The following PRSS38 variants were observed in gnomAD, a reference collection of about 807,000 sequenced individuals.
PRSS38 encodes marapsin 2.
PRSS38 carries 22 observed loss-of-function variants against 26.8 expected under a neutral mutation model. That is an observed-to-expected ratio of 0.82 (90% CI 0.59 to 1.17). The LOEUF (loss-of-function observed/expected upper bound fraction) is 1.17, where lower values mean the gene tolerates loss of function less well. PRSS38 is among the 50% of genes most tolerant of loss of function. The pLI is 0.00. For missense variants in PRSS38, 427 were observed against 422.7 expected (o/e 1.01, Z -0.09); for synonymous variants, 175 against 172.1 (o/e 1.02, Z -0.13).
intron 3 of PRSS38, among the ~76,000 whole-genome samples, chr1:227,840,012 A>T (rs1255614999): frequency 6.6e-6 from 1 of 152,226 alleles, no homozygotes; most frequent in East Asian, 1.9e-4. Context: ...TTTCCAACCC[A>T]GAAAACCGCA....
intron 3 of PRSS38, 114 bp downstream of exon 3, chr1:227,817,594 C>G (rs1664942473): frequency 3.1e-6 from 3 of 978,438 alleles, no homozygotes; most frequent in Non-Finnish European, 4.6e-6. Flanking sequence ...GGAATCCCCA[C>G]CTGTCAATCA....
chr1:227,827,105 T>C (rs867101310), intron 3 of PRSS38, among the ~76,000 whole-genome samples: 3 of 152,206 alleles, frequency 2.0e-5, no homozygotes, highest in African/African-American at 7.2e-5. Flanking sequence ...GATTTTTGCA[T>C]TGATGTTCAT....
At chr1:227,844,527 A>G (rs532543866) in intron 3 of PRSS38, among the ~76,000 whole-genome samples, 3 of 138,482 alleles carry the variant, frequency 2.2e-5, no homozygotes, top group Non-Finnish European at 4.7e-5. Flanking sequence ...TTTGTGGTGG[A>G]GCTCCTCCCT....
intron 3 of PRSS38, among the ~76,000 whole-genome samples, chr1:227,819,727 AT>A (rs1664973557): frequency 6.6e-6 from 1 of 152,096 alleles, no homozygotes; most frequent in Non-Finnish European, 1.5e-5. Context: ...ATTATTTTAG[AT>A]GCTATTGTAA....
In PRSS38 at chr1:227,836,359, G is replaced by A. The variant is rs150071531; in HGVS notation, c.584-9111G>A. ...GCTTCTCAAAGTGCTGGGATTACAGGTGTGAGCCACCACACCAAGCCAAAA... is the reference window on the plus strand; with the variant it reads ...GCTTCTCAAAGTGCTGGGATTACAGATGTGAGCCACCACACCAAGCCAAAA... On this transcript the variant is annotated intron_variant, in intron 3 of 4. Transcript: ENST00000366757. Among the ~76,000 whole-genome samples, 1,066 of 152,072 alleles carry A rather than the reference G, an allele frequency of 7.0e-3. 11 individuals carry two copies. Among genetic ancestry groups the A allele is most frequent in the African/African-American group, 0.024 (983 of 41,456 alleles).
intron 3 of PRSS38, among the ~76,000 whole-genome samples, chr1:227,840,237 T>G (rs1665317538): frequency 6.6e-6 from 1 of 152,152 alleles, no homozygotes. Context: ...TCCTCCCACT[T>G]CAGCCTCCTG....
intron 3 of PRSS38, among the ~76,000 whole-genome samples, chr1:227,826,442 G>T (rs556678221): frequency 1.4e-4 from 22 of 152,264 alleles, no homozygotes; most frequent in Non-Finnish European, 2.4e-4. Flanking sequence ...GGCCAAGTGC[G>T]GTGGCTAACG....
Position 227,816,918 on chromosome 1 carries a change from G to T in PRSS38, c.312-291G>T, listed in dbSNP as rs915450397. Among the ~76,000 whole-genome samples, 2 of 152,246 alleles carry T rather than the reference G, an allele frequency of 1.3e-5. No homozygotes were observed. Among genetic ancestry groups the T allele is most frequent in the Non-Finnish European group, 2.9e-5 (2 of 68,044 alleles). On this transcript the variant is annotated intron_variant, in intron 2 of 4. Transcript: ENST00000366757. This position sits in a 1 kb window ranked among gnomAD's most constrained non-coding sequence, Gnocchi z 5.1. ...CCATCTGGCCTCCAGAGGGATGTGTGCAACCAGGTTGTCAGTAAGAGTCAG... is the reference window on the plus strand; with the variant it reads ...CCATCTGGCCTCCAGAGGGATGTGTTCAACCAGGTTGTCAGTAAGAGTCAG...
chr1:227,835,795 A>T (rs1413448367), intron 3 of PRSS38, among the ~76,000 whole-genome samples: 1 of 152,256 alleles, frequency 6.6e-6, no homozygotes, highest in African/African-American at 2.4e-5. Flanking sequence ...GCTACCAAGG[A>T]CAGGGTCTGG....
chr1:227,824,675 C>T (rs1339342076), intron 3 of PRSS38, among the ~76,000 whole-genome samples: 1 of 152,182 alleles, frequency 6.6e-6, no homozygotes, highest in Non-Finnish European at 1.5e-5. Flanking sequence ...AACTAATTTA[C>T]ACTCCCACCA....
intron 2 of PRSS38, 68 bp from the exon 3 acceptor site, chr1:227,817,141 C>A: frequency 6.5e-7 from 1 of 1,536,346 alleles, no homozygotes; most frequent in Non-Finnish European, 8.8e-7. Flanking sequence ...TGCGCTTGGC[C>A]TCCCCAGGCC....
intron 3 of PRSS38, among the ~76,000 whole-genome samples, chr1:227,825,526 C>G (rs554962325): frequency 4.6e-5 from 7 of 152,130 alleles, no homozygotes; most frequent in Admixed American, 6.6e-5. Flanking sequence ...TACATTTAAG[C>G]CTTTAATCCA....
At chr1:227,827,366 A>G (rs531050346) in intron 3 of PRSS38, among the ~76,000 whole-genome samples, 1 of 152,164 alleles carries the variant, frequency 6.6e-6, no homozygotes, top group Admixed American at 6.5e-5. Flanking sequence ...AGAACTTGTT[A>G]TTGGTCTGTT....
At chr1:227,830,776 A>G (rs1473958445) in intron 3 of PRSS38, among the ~76,000 whole-genome samples, 2 of 152,150 alleles carry the variant, frequency 1.3e-5, no homozygotes, top group Admixed American at 6.5e-5. Flanking sequence ...AAGTGCTGGG[A>G]TTACAGGCTT....
intron 3 of PRSS38, among the ~76,000 whole-genome samples, chr1:227,826,402 G>T (rs905628268): frequency 6.6e-6 from 1 of 152,032 alleles, no homozygotes; most frequent in Admixed American, 6.6e-5. Context: ...TGGACAGAAC[G>T]TCCAATATTA....
At chr1:227,844,362 G>A (rs1441205382) in intron 3 of PRSS38, among the ~76,000 whole-genome samples, 1 of 152,116 alleles carries the variant, frequency 6.6e-6, no homozygotes, top group Non-Finnish European at 1.5e-5. Flanking sequence ...TCCTCCCTGT[G>A]AGTGGGCAAA....
chr1:227,844,895 A>T (rs1444725998), intron 3 of PRSS38, among the ~76,000 whole-genome samples: 1 of 62,694 alleles, frequency 1.6e-5, no homozygotes, highest in Non-Finnish European at 3.1e-5. Flanking sequence ...CTCCCTATGT[A>T]CGGTCAGGGC....
chr1:227,825,045 T>C (rs1665052516), intron 3 of PRSS38, among the ~76,000 whole-genome samples: 1 of 152,216 alleles, frequency 6.6e-6, no homozygotes, highest in South Asian at 2.1e-4. Flanking sequence ...TGATAGTTTA[T>C]TTTGCTGTGC....
intron 3 of PRSS38, 101 bp downstream of exon 3, chr1:227,817,581 A>C (rs1461481669): frequency 1.8e-5 from 21 of 1,169,044 alleles, no homozygotes; most frequent in Middle Eastern, 2.5e-4. Flanking sequence ...GTGTTTGGGG[A>C]CTGGAATCCC....
Sources: allele counts gnomAD v4.1 joint callset (sites outside exome capture counted in the v4.1 genomes callset), GRCh38; gene constraint gnomAD v4.1.1; non-coding constraint Gnocchi (gnomAD v3.1); transcripts MANE v1.5; gene names NCBI Gene and HGNC (gene_info 2026-07-23, HGNC 2026-07-21).